Variants in PLCG2 observed in about 807,000 individuals in gnomAD.
The protein encoded by PLCG2 is phospholipase C gamma 2, also known as 1-phosphatidylinositol 4,5-bisphosphate phosphodiesterase gamma-2.
Under a neutral mutation model 175.6 loss-of-function variants are expected in PLCG2, and 69 were observed. The ratio of observed to expected loss-of-function variants is 0.39; its 90% CI spans 0.32 to 0.48. The LOEUF (loss-of-function observed/expected upper bound fraction) is 0.48. PLCG2 is among the 20% of genes least tolerant of loss of function. The probability of loss-of-function intolerance (pLI) is 0.91; values close to 1 mark genes in which losing one functional copy is unlikely to be tolerated. For synonymous variants in PLCG2, 827 were observed against 624.0 expected, an observed-to-expected ratio of 1.33 and a Z score of -4.85; for missense variants, 1,798 against 1,650.9, an observed-to-expected ratio of 1.09 and a Z score of -1.54.
intron 2 of PLCG2, among the ~76,000 whole-genome samples, chr16:81,816,651 A>AC (rs1555509092): frequency 0.015 from 1,594 of 108,810 alleles, 502 homozygotes; most frequent in African/African-American, 0.045. Flanking sequence ...GCTAATTTTA[A>AC]TTTTTTTTTT....
intron 2 of PLCG2, among the ~76,000 whole-genome samples, chr16:81,827,807 G>A (rs7499005): frequency 1.3e-5 from 2 of 151,710 alleles, no homozygotes; most frequent in Non-Finnish European, 2.9e-5. Context: ...AAGCGTTGAC[G>A]CCGCCAGGCA....
At chr16:81,936,668 G>C (rs1910727814) in intron 27 of PLCG2, among the ~76,000 whole-genome samples, 1 of 152,190 alleles carries the variant, frequency 6.6e-6, no homozygotes, top group Non-Finnish European at 1.5e-5. Context: ...TGTAATTAAA[G>C]CATCTTTGGA....
At chr16:81,943,200 A>G (rs189097720) in intron 30 of PLCG2, among the ~76,000 whole-genome samples, 1 of 152,354 alleles carries the variant, frequency 6.6e-6, no homozygotes, top group Non-Finnish European at 1.5e-5. Context: ...GTCCGTTCTC[A>G]CACTGCTATA....
chr16:81,903,014 T>C (rs1909217594), intron 14 of PLCG2, among the ~76,000 whole-genome samples: 1 of 152,222 alleles, frequency 6.6e-6, no homozygotes, highest in African/African-American at 2.4e-5. Context: ...GTGGGAATTA[T>C]AGGAGCTGCA....
chr16:81,772,809 C>CA (rs71146045), intron 2 of PLCG2, among the ~76,000 whole-genome samples: 46,913 of 151,612 alleles, frequency 0.31, 7,891 homozygotes, highest in Non-Finnish European at 0.38. Context: ...ACTCCATCTC[C>CA]AAAAAAAAGA....
rs186249713 is a variant in PLCG2, at chr16:81,891,720, G to A, written c.986+130G>A. On this transcript the variant is annotated intron_variant, in intron 11 of 32. Transcript: ENST00000564138. ...GGAGGGTGTAGCACCGCATTCCTTG[G>A]ACTAAAATACACAGAAGCTTCTGGA... 193 of 603,858 alleles carry A rather than the reference G, an allele frequency of 3.2e-4. 1 individual carries two copies. In the African/African-American group the frequency reaches 3.2e-3, roughly 10 times the overall value. 37.4% of individuals were successfully genotyped at this position (603,858 alleles called of 1,614,324 possible).
At chr16:81,914,856 C>T (rs1034947631) in intron 19 of PLCG2, among the ~76,000 whole-genome samples, 5 of 152,230 alleles carry the variant, frequency 3.3e-5, no homozygotes, top group Admixed American at 3.3e-4. Flanking sequence ...CCATGGCCCA[C>T]TGTCAGGGAA....
chr16:81,804,203 G>A (rs1381477500), intron 2 of PLCG2, among the ~76,000 whole-genome samples: 1 of 152,114 alleles, frequency 6.6e-6, no homozygotes, highest in Non-Finnish European at 1.5e-5. Flanking sequence ...CCATGTCCTC[G>A]CCAACACATG....
rs757321881 is a variant in PLCG2, at chr16:81,928,670, C to T, written c.2581+46C>T. 8 of 1,327,740 alleles carry T rather than the reference C, an allele frequency of 6.0e-6. 1 individual carries two copies. The South Asian group carries it at 7.0e-5, about 12-fold the overall frequency. 82.2% of individuals were successfully genotyped at this position (1,327,740 alleles called of 1,614,324 possible). ...AGCCTGGATTTCCACCCCTATCCCC[C>T]ATGGGCTGACCTCAGCCCCGCCCTA... On this transcript the variant is annotated intron_variant, in intron 24 of 32. Coordinates refer to ENST00000564138, the MANE Select transcript of PLCG2 (RefSeq NM_002661.5).
At chr16:81,864,370 A>C (rs1465006073) in intron 5 of PLCG2, among the ~76,000 whole-genome samples, 1 of 152,232 alleles carries the variant, frequency 6.6e-6, no homozygotes, top group Non-Finnish European at 1.5e-5. Context: ...TTAGCTCCTC[A>C]GTGGAACTAG....
At chr16:81,780,386 C>T (rs964161750) in intron 1 of PLCG2, among the ~76,000 whole-genome samples, 1 of 152,182 alleles carries the variant, frequency 6.6e-6, no homozygotes, top group Non-Finnish European at 1.5e-5. Flanking sequence ...ATGGAGAGTC[C>T]TTGGGCAGTT....
upstream of PLCG2, among the ~76,000 whole-genome samples, chr16:81,776,598 A>G (rs1365807624): frequency 6.6e-6 from 1 of 152,134 alleles, no homozygotes; most frequent in African/African-American, 2.4e-5. Context: ...TCTATCACCT[A>G]TGCTGGAGTG....
At chr16:81,889,866 G>T (rs1908549509) in intron 10 of PLCG2, among the ~76,000 whole-genome samples, 1 of 152,130 alleles carries the variant, frequency 6.6e-6, no homozygotes, top group African/African-American at 2.4e-5. Flanking sequence ...ATGTTGGCCA[G>T]GCTGGTGTCG....
chr16:81,739,384 TG>T (rs1381294942), exon 1 of PLCG2: 1 of 152,054 alleles, frequency 6.6e-6, no homozygotes, highest in Non-Finnish European at 1.5e-5. Context: ...GTGGCAAGGT[TG>T]GTGAGTATCT....
At chr16:81,750,663 A>ATTTTTTTTTTTTT (rs543220131) in intron 1 of PLCG2, among the ~76,000 whole-genome samples, 7,324 of 68,366 alleles carry the variant, frequency 0.11, 2,433 homozygotes, top group East Asian at 0.17. Flanking sequence ...GGGACTGGAG[A>ATTTTTTTTTTTTT]TTTTTTTTTT....
chr16:81,786,353 C>T (rs1003978537), intron 2 of PLCG2, among the ~76,000 whole-genome samples, 171 bp downstream of exon 2: 1 of 141,018 alleles, frequency 7.1e-6, no homozygotes, highest in Non-Finnish European at 1.6e-5. Context: ...ATGAGGTTTA[C>T]ACCAGGTGGA....
chr16:81,954,261 T>G lies in PLCG2; in HGVS notation c.3571-2434T>G, dbSNP rs1208432014. On this transcript the variant is annotated intron_variant, in intron 31 of 32. Transcript: ENST00000564138. Reference sequence around the variant, plus strand: ...TGGTCTTGAACTCCTGGTCAAGCAATCCTCCCACCTCAGCCTCCCAAAGTG... The same window carrying G: ...TGGTCTTGAACTCCTGGTCAAGCAAGCCTCCCACCTCAGCCTCCCAAAGTG... Among the ~76,000 whole-genome samples, 7 of 152,344 alleles carry G rather than the reference T, an allele frequency of 4.6e-5. 1 individual carries two copies. The highest frequency in any genetic ancestry group is 3.9e-4 in the Admixed American group (6 of 15,298).
At chr16:81,830,751 C>T (rs2143382955) in intron 2 of PLCG2, among the ~76,000 whole-genome samples, 1 of 151,748 alleles carries the variant, frequency 6.6e-6, no homozygotes, top group Non-Finnish European at 1.5e-5. Flanking sequence ...CTGCAGCTGA[C>T]TCCAGAGGAC....
chr16:81,846,274 C>T (rs79013350), intron 2 of PLCG2, among the ~76,000 whole-genome samples: 1,852 of 152,152 alleles, frequency 0.012, 40 homozygotes, highest in African/African-American at 0.042. Context: ...CCTACTTTTC[C>T]GGTGTGATTC....
Sources: gnomAD v4.1 joint callset for allele counts (sites outside exome capture counted in the v4.1 genomes callset) on GRCh38, gnomAD v4.1.1 for gene constraint, MANE v1.5 for transcripts, NCBI Gene and HGNC (gene_info 2026-07-23, HGNC 2026-07-21) for gene names.